Variants in CCDC170 observed in about 807,000 individuals in gnomAD.
CCDC170 encodes the protein coiled-coil domain containing 170.
Under a neutral mutation model 72.6 loss-of-function variants are expected in CCDC170, and 69 were observed. The observed-to-expected ratio is 0.95, with a 90% CI of 0.78 to 1.16. The LOEUF is 1.16. CCDC170 is among the 50% of genes most tolerant of loss of function. The pLI, the probability that CCDC170 is intolerant of heterozygous loss-of-function variation, is 0.00. For missense variants in CCDC170, 852 were observed against 832.5 expected, an observed-to-expected ratio of 1.02 and a Z score of -0.29; for synonymous variants, 300 against 303.9, an observed-to-expected ratio of 0.99 and a Z score of 0.13.
At chr6:151,598,072 T>C (rs1451520766) in intron 9 of CCDC170, among the ~76,000 whole-genome samples, 1 of 152,150 alleles carries the variant, frequency 6.6e-6, no homozygotes, top group Admixed American at 6.5e-5. Flanking sequence ...TGAAGTGTAC[T>C]TCCTTGGAGA....
At chr6:151,593,024 G>C (rs1158539705) in intron 7 of CCDC170, 83 bp from the exon 8 acceptor site, 2 of 1,419,158 alleles carry the variant, frequency 1.4e-6, no homozygotes, top group Non-Finnish European at 2.0e-6. Context: ...CTGTAAGCTT[G>C]GGAGAAAGAG....
intron 1 of CCDC170, among the ~76,000 whole-genome samples, chr6:151,502,479 G>A (rs1373591975): frequency 1.3e-5 from 2 of 152,114 alleles, no homozygotes; most frequent in Non-Finnish European, 2.9e-5. Context: ...ATATAAAAAT[G>A]CATTTTTCAG....
At chr6:151,544,756 T>G (rs780986350) in intron 4 of CCDC170, 40 bp downstream of exon 4, 1 of 1,569,902 alleles carries the variant, frequency 6.4e-7, no homozygotes, top group Admixed American at 1.7e-5. Context: ...AATGTAGTGG[T>G]GATTCTGACA....
intron 5 of CCDC170, among the ~76,000 whole-genome samples, chr6:151,554,828 G>A (rs943513251): frequency 2.0e-4 from 30 of 151,238 alleles, no homozygotes; most frequent in Middle Eastern, 3.4e-3. Context: ...AGAATCATTC[G>A]GCTATGTGAT....
chr6:151,603,190 T>C (rs1337772881), intron 9 of CCDC170, among the ~76,000 whole-genome samples: 1 of 152,244 alleles, frequency 6.6e-6, no homozygotes, highest in African/African-American at 2.4e-5. Flanking sequence ...CTGCTCATGA[T>C]GCAAGTTCTT....
At position 151,619,326 on chromosome 6, in the gene CCDC170, C is replaced by A. The variant is rs1159391679; in HGVS notation, c.*1179C>A. On this transcript the variant is annotated 3_prime_UTR_variant, in exon 11 of 11. Coordinates refer to ENST00000239374, the MANE Select transcript of CCDC170 (RefSeq NM_025059.4). Reference sequence around the variant, plus strand: ...ATCCAATACACCCACAGCAATGGTACCTTTTTAAGATCAGGATTTTATTAT... The same window carrying A: ...ATCCAATACACCCACAGCAATGGTAACTTTTTAAGATCAGGATTTTATTAT... 1 of 152,108 alleles carries A rather than the reference C, an allele frequency of 6.6e-6. No homozygotes were observed. The highest frequency in any genetic ancestry group is 1.9e-4 in the East Asian group (1 of 5,184). 9.4% of individuals were successfully genotyped at this position (152,108 alleles called of 1,614,324 possible). A position where few individuals can be genotyped will look rare whatever the true frequency, so the allele number is the denominator to read the frequency against.
Position 151,529,654 on chromosome 6 carries a change from TCAAAAA to T in CCDC170, c.58-6646_58-6641del, listed in dbSNP as rs367967488. ...CCTGCTGACAGAGCTAGGCTCTGTC[TCAAAAA>T]CAAAAACAAAAACAAAATAATGGTA... On this transcript the variant is annotated intron_variant, in intron 1 of 10. Coordinates refer to ENST00000239374, the MANE Select transcript of CCDC170 (RefSeq NM_025059.4). 4.0e-3 allele frequency among the ~76,000 whole-genome samples: 611 copies of T among 152,192 alleles called. 4 individuals carry two copies. Among genetic ancestry groups the T allele is most frequent in the African/African-American group, 0.014 (573 of 41,520 alleles).
intron 6 of CCDC170, among the ~76,000 whole-genome samples, chr6:151,583,541 T>C (rs1016592551): frequency 2.0e-5 from 3 of 152,016 alleles, no homozygotes; most frequent in Admixed American, 6.6e-5. Context: ...CACTACAACC[T>C]CTGCCTCCCA....
intron 3 of CCDC170, among the ~76,000 whole-genome samples, chr6:151,539,792 G>A (rs1782654081): frequency 1.3e-5 from 2 of 152,094 alleles, no homozygotes; most frequent in South Asian, 4.2e-4. Context: ...GTCCAAAACG[G>A]AGCTCCCAGT....
chr6:151,602,047 G>A (rs61198286), intron 9 of CCDC170, among the ~76,000 whole-genome samples: 29,955 of 152,014 alleles, frequency 0.2, 4,054 homozygotes, highest in African/African-American at 0.39. Context: ...GAACATTTGG[G>A]TCAAAGCTTT....
At chr6:151,608,183 T>C (rs1478226554) in intron 9 of CCDC170, among the ~76,000 whole-genome samples, 1 of 152,190 alleles carries the variant, frequency 6.6e-6, no homozygotes, top group East Asian at 1.9e-4. Flanking sequence ...GTTCTTTTTC[T>C]TATATTTATT....
At chr6:151,612,820 C>G (rs976596021) in intron 9 of CCDC170, among the ~76,000 whole-genome samples, 1 of 151,812 alleles carries the variant, frequency 6.6e-6, no homozygotes, top group African/African-American at 2.4e-5. Flanking sequence ...CTGTTACTTT[C>G]TTACTTGTTT....
chr6:151,542,679 A>C (rs1366402417), intron 3 of CCDC170, among the ~76,000 whole-genome samples: 1 of 152,218 alleles, frequency 6.6e-6, no homozygotes, highest in Non-Finnish European at 1.5e-5. Context: ...CATATTTTTA[A>C]ATTTCTGTGA....
intron 3 of CCDC170, among the ~76,000 whole-genome samples, chr6:151,543,245 A>G (rs1031109863): frequency 2.0e-5 from 3 of 152,164 alleles, no homozygotes; most frequent in African/African-American, 2.4e-5. Context: ...TATATTCATA[A>G]TGGACCATAA....
intron 1 of CCDC170, 65 bp from the exon 2 acceptor site, chr6:151,536,253 A>G: frequency 6.3e-7 from 1 of 1,579,220 alleles, no homozygotes; most frequent in Non-Finnish European, 8.7e-7. Flanking sequence ...GGCTTTGTGC[A>G]GCTGCACGGA....
At position 151,618,185 on chromosome 6, in the gene CCDC170, G is replaced by A. The variant is rs192409290; in HGVS notation, c.*38G>A. The stretch of plus-strand genomic sequence containing the variant: ...TTGAGAGAGGTGGCCATAAGACATG[G>A]CACACAATTCCCAATTTCACAAATT... On this transcript the variant is annotated 3_prime_UTR_variant, in exon 11 of 11. Transcript: ENST00000239374. 1.3e-6 allele frequency: 2 copies of A among 1,536,862 alleles called. No homozygotes were observed. Among genetic ancestry groups the A allele is most frequent in the African/African-American group, 1.4e-5 (1 of 73,098 alleles).
At chr6:151,533,769 G>T (rs532119680) in intron 1 of CCDC170, among the ~76,000 whole-genome samples, 1 of 151,136 alleles carries the variant, frequency 6.6e-6, no homozygotes, top group Non-Finnish European at 1.5e-5. Flanking sequence ...TGCCTTCCTT[G>T]CATTTATTTC....
intron 1 of CCDC170, among the ~76,000 whole-genome samples, chr6:151,522,396 T>C (rs1160181552): frequency 6.6e-5 from 10 of 152,210 alleles, no homozygotes; most frequent in Admixed American, 4.6e-4. Flanking sequence ...ACTTTTAAAC[T>C]TAACTTCCTT....
intron 1 of CCDC170, among the ~76,000 whole-genome samples, chr6:151,529,297 T>C (rs1190810554): frequency 1.3e-5 from 2 of 152,230 alleles, no homozygotes; most frequent in African/African-American, 2.4e-5. Context: ...GAAATATTTT[T>C]ATTTGATAAT....
Sources: allele counts gnomAD v4.1 joint callset (sites outside exome capture counted in the v4.1 genomes callset), GRCh38; gene constraint gnomAD v4.1.1; transcripts MANE v1.5; gene names NCBI Gene and HGNC (gene_info 2026-07-23, HGNC 2026-07-21).